The following SPIRE1 variants were observed in gnomAD, a reference collection of about 807,000 sequenced individuals.
The protein encoded by SPIRE1 is spire type actin nucleation factor 1, also known as protein spire homolog 1.
SPIRE1 carries 40 observed loss-of-function variants against 94.1 expected under a neutral mutation model. The ratio of observed to expected loss-of-function variants is 0.43; its 90% CI spans 0.33 to 0.55. The LOEUF is 0.55. Ranked by LOEUF, SPIRE1 falls within the 20% of genes least tolerant of loss-of-function variation. SPIRE1 has a pLI of 0.06. For synonymous variants in SPIRE1, 376 were observed against 371.7 expected (o/e 1.01, Z -0.13); for missense variants, 838 against 975.2 (o/e 0.86, Z 1.87).
chr18:12,543,244 T>TAA (rs2035060327), intron 3 of SPIRE1, among the ~76,000 whole-genome samples: 1 of 152,180 alleles, frequency 6.6e-6, no homozygotes, highest in Non-Finnish European at 1.5e-5. Flanking sequence ...GGTCTGCTGG[T>TAA]GACAAATTTT....
chr18:12,588,011 T>C (rs755020), intron 2 of SPIRE1, among the ~76,000 whole-genome samples: 85,061 of 151,978 alleles, frequency 0.56, 24,984 homozygotes, highest in Middle Eastern at 0.76. Context: ...TCCCCTCAGC[T>C]CTAGGCAACC....
chr18:12,586,341 T>C (rs1177504787), intron 2 of SPIRE1, among the ~76,000 whole-genome samples: 4 of 152,190 alleles, frequency 2.6e-5, no homozygotes, highest in Non-Finnish European at 5.9e-5. Flanking sequence ...AAACAGTAAG[T>C]CTAAAACTGT....
chr18:12,539,521 C>A (rs2034947604), intron 3 of SPIRE1, among the ~76,000 whole-genome samples: 1 of 151,916 alleles, frequency 6.6e-6, no homozygotes, highest in Non-Finnish European at 1.5e-5. Context: ...AACAAGTCAA[C>A]ATCCCGTTCC....
intron 1 of SPIRE1, among the ~76,000 whole-genome samples, chr18:12,648,636 T>C (rs2038290296): frequency 6.6e-6 from 1 of 152,028 alleles, no homozygotes; most frequent in African/African-American, 2.4e-5. Context: ...ACGCCTGTAA[T>C]CCCAGCACTT....
intron 2 of SPIRE1, among the ~76,000 whole-genome samples, chr18:12,577,495 A>G (rs1451733445): frequency 6.6e-6 from 1 of 152,188 alleles, no homozygotes; most frequent in Non-Finnish European, 1.5e-5. Context: ...TATAAAAGCT[A>G]AATCTAGGAA....
chr18:12,653,839 G>T (rs975884717), intron 1 of SPIRE1, among the ~76,000 whole-genome samples: 2 of 151,960 alleles, frequency 1.3e-5, no homozygotes, highest in Non-Finnish European at 1.5e-5. Flanking sequence ...CCAGCTACTC[G>T]GGAGGCTGAG....
In SPIRE1 at chr18:12,623,770, A is replaced by G. The variant is rs527960591; in HGVS notation, c.372+11292T>C. Among the ~76,000 whole-genome samples, 295 of 152,224 alleles carry G rather than the reference A, an allele frequency of 1.9e-3. 1 individual carries two copies. The highest frequency in any genetic ancestry group is 3.5e-3 in the Non-Finnish European group (235 of 68,006). On this transcript the variant is annotated intron_variant, in intron 2 of 16. Coordinates refer to ENST00000409402, the MANE Select transcript of SPIRE1 (RefSeq NM_001128626.2). ...CAGCCTCCCAAGTAGCTGGGATTAC[A>G]GGCAACCACCACCATGCTCAACTAA...
At chr18:12,632,979 T>C (rs910745446) in intron 2 of SPIRE1, among the ~76,000 whole-genome samples, 3 of 152,240 alleles carry the variant, frequency 2.0e-5, no homozygotes, top group Admixed American at 1.3e-4. Context: ...TAATTCACAA[T>C]AGTGCATTTA....
At chr18:12,634,749 A>G (rs2037876394) in intron 2 of SPIRE1, among the ~76,000 whole-genome samples, 1 of 152,132 alleles carries the variant, frequency 6.6e-6, no homozygotes, top group Non-Finnish European at 1.5e-5. Flanking sequence ...AGCCTGGCCA[A>G]CATGGTGAAA....
chr18:12,468,503 C>T (rs2143655443), intron 10 of SPIRE1, among the ~76,000 whole-genome samples: 1 of 152,260 alleles, frequency 6.6e-6, no homozygotes, highest in Non-Finnish European at 1.5e-5. Flanking sequence ...TCCTATGAAA[C>T]CTCCAAATTG....
At chr18:12,492,404 T>C (rs2033267491) in intron 8 of SPIRE1, among the ~76,000 whole-genome samples, 1 of 152,176 alleles carries the variant, frequency 6.6e-6, no homozygotes. Context: ...CATCTTATAA[T>C]ATGGCCTTCC....
At chr18:12,468,603 C>T (rs1054708797) in intron 10 of SPIRE1, among the ~76,000 whole-genome samples, 3 of 152,166 alleles carry the variant, frequency 2.0e-5, no homozygotes, top group African/African-American at 7.2e-5. Flanking sequence ...GCAACTTAAT[C>T]GAGAGGCTTC....
chr18:12,583,700 A>G (rs11664861), intron 2 of SPIRE1, among the ~76,000 whole-genome samples: 84,579 of 151,838 alleles, frequency 0.56, 24,683 homozygotes, highest in Middle Eastern at 0.75. Context: ...TGAGGTGAGC[A>G]GACTGCTTGA....
intron 2 of SPIRE1, among the ~76,000 whole-genome samples, chr18:12,575,451 A>C (rs907673616): frequency 6.6e-6 from 1 of 152,144 alleles, no homozygotes; most frequent in Non-Finnish European, 1.5e-5. Flanking sequence ...CTATAACATC[A>C]AATCCCTGCC....
rs190109020 is a variant in SPIRE1 at position 12,468,785 on chromosome 18, A to C, written c.1405-3827T>G. 2.3e-3 allele frequency among the ~76,000 whole-genome samples: 348 copies of C among 152,310 alleles called. 2 individuals carry two copies. The highest frequency in any genetic ancestry group is 0.014 in the South Asian group (68 of 4,826). On this transcript the variant is annotated intron_variant, in intron 10 of 16. Transcript: ENST00000409402. ...AAACTAAGTGTCTTTCCTGCCAGGC[A>C]TGGTAGCTCGCCCCTGCATTCCCAG... is the stretch of plus-strand genomic sequence containing the variant.
At chr18:12,505,164 A>T (rs1213207556) in intron 6 of SPIRE1, among the ~76,000 whole-genome samples, 3 of 152,158 alleles carry the variant, frequency 2.0e-5, no homozygotes, top group African/African-American at 7.2e-5. Context: ...TTTTGGGAAA[A>T]ATAGATTGAA....
intron 2 of SPIRE1, among the ~76,000 whole-genome samples, chr18:12,607,928 G>A (rs1235513340): frequency 3.3e-5 from 5 of 151,994 alleles, no homozygotes; most frequent in Non-Finnish European, 5.9e-5. Flanking sequence ...AGGCTGAGGC[G>A]GGCAGATCAC....
At chr18:12,637,726 G>A (rs942221244) in intron 1 of SPIRE1, among the ~76,000 whole-genome samples, 5 of 152,200 alleles carry the variant, frequency 3.3e-5, no homozygotes, top group African/African-American at 9.6e-5. Flanking sequence ...AACAGAATCA[G>A]GATTCCTTGG....
At chr18:12,466,419 G>C (rs2032102984) in intron 10 of SPIRE1, among the ~76,000 whole-genome samples, 1 of 152,068 alleles carries the variant, frequency 6.6e-6, no homozygotes, top group East Asian at 2.0e-4. Flanking sequence ...TGGGATTACA[G>C]GTGAGTGCCA....
Sources: gnomAD v4.1 joint callset for allele counts (sites outside exome capture counted in the v4.1 genomes callset) on GRCh38, gnomAD v4.1.1 for gene constraint, MANE v1.5 for transcripts, NCBI Gene and HGNC (gene_info 2026-07-23, HGNC 2026-07-21) for gene names.